FHIT: variants seen among roughly 807,000 people sequenced by gnomAD.
FHIT encodes the protein fragile histidine triad diadenosine triphosphatase, also known as bis(5'-adenosyl)-triphosphatase.
A neutral mutation model predicts 17.9 loss-of-function variants in FHIT; 19 were observed. The observed-to-expected ratio is 1.06, with a 90% CI of 0.74 to 1.56. FHIT has a LOEUF of 1.56. Ranked by LOEUF, FHIT falls within the 40% of genes most tolerant of loss-of-function variation. FHIT has a pLI of 0.00. For missense variants in FHIT, 248 were observed against 189.2 expected, an observed-to-expected ratio of 1.31 and a Z score of -1.82; for synonymous variants, 81 against 69.7, an observed-to-expected ratio of 1.16 and a Z score of -0.81.
At chr3:60,171,585 T>G (rs1701417097) in intron 5 of FHIT, among the ~76,000 whole-genome samples, 1 of 152,244 alleles carries the variant, frequency 6.6e-6, no homozygotes, top group Non-Finnish European at 1.5e-5. Flanking sequence ...ACTTTTCTTT[T>G]TTCACGATGT....
intron 1 of FHIT, among the ~76,000 whole-genome samples, chr3:61,201,648 A>G (rs1056198868): frequency 6.6e-6 from 1 of 152,090 alleles, no homozygotes; most frequent in Admixed American, 6.6e-5. Flanking sequence ...ATGACCACCA[A>G]AGAACAGGTC....
chr3:60,045,676 G>T (rs530707247), intron 5 of FHIT, among the ~76,000 whole-genome samples: 2 of 152,088 alleles, frequency 1.3e-5, no homozygotes, highest in African/African-American at 2.4e-5. Context: ...CTCCCCTCCA[G>T]GGAAGACATG....
chr3:60,939,416 G>T (rs1708320619), intron 3 of FHIT, among the ~76,000 whole-genome samples: 1 of 151,988 alleles, frequency 6.6e-6, no homozygotes, highest in African/African-American at 2.4e-5. Flanking sequence ...TTACCCTTTA[G>T]TCCTTTACAG....
chr3:60,262,843 C>G (rs544157706), intron 5 of FHIT, among the ~76,000 whole-genome samples: 1 of 137,664 alleles, frequency 7.3e-6, no homozygotes, highest in East Asian at 2.1e-4. Context: ...ATATAAAGTA[C>G]AAAGAAAAAA....
intron 2 of FHIT, among the ~76,000 whole-genome samples, chr3:61,055,207 G>T (rs1321164007): frequency 6.6e-6 from 1 of 152,076 alleles, no homozygotes; most frequent in Non-Finnish European, 1.5e-5. Context: ...TAGTAGCAAG[G>T]ACATGATGCT....
intron 5 of FHIT, among the ~76,000 whole-genome samples, chr3:60,134,997 T>G (rs191902561): frequency 1.3e-5 from 2 of 150,882 alleles, no homozygotes; most frequent in East Asian, 3.9e-4. Context: ...GGAAAGGAGA[T>G]GAAAAAGGAT....
intron 8 of FHIT, among the ~76,000 whole-genome samples, chr3:59,861,369 C>T (rs999375645): frequency 6.6e-6 from 1 of 152,130 alleles, no homozygotes; most frequent in African/African-American, 2.4e-5. Flanking sequence ...CAAGGCCAAA[C>T]CCACTGGGGC....
At chr3:60,832,862 C>G (rs1702382227) in intron 3 of FHIT, among the ~76,000 whole-genome samples, 1 of 152,104 alleles carries the variant, frequency 6.6e-6, no homozygotes, top group African/African-American at 2.4e-5. Context: ...AGATTTTACG[C>G]TAAGCATTCA....
Position 60,418,398 on chromosome 3 carries a change from A to G in FHIT, c.103+118462T>C, listed in dbSNP as rs1328370582. 2.9e-4 allele frequency among the ~76,000 whole-genome samples: 37 copies of G among 127,062 alleles called. 1 individual carries two copies. The South Asian group carries it at 6.3e-3, about 22-fold the overall frequency. 83.4% of individuals were successfully genotyped at this position (127,062 alleles called of 152,430 possible). ...TGTGTATATATATATATATATATAT[A>G]TATATATATATATATATATATATAT... On this transcript the variant is annotated intron_variant, in intron 5 of 9. Coordinates refer to ENST00000492590, the MANE Select transcript of FHIT (RefSeq NM_002012.4).
chr3:60,659,202 C>G (rs1553690451), intron 4 of FHIT, among the ~76,000 whole-genome samples: 1 of 151,916 alleles, frequency 6.6e-6, no homozygotes, highest in African/African-American at 2.4e-5. Flanking sequence ...TTTCAAGATT[C>G]TCTCTTTGTC....
At chr3:60,421,165 A>G (rs1702450902) in intron 5 of FHIT, among the ~76,000 whole-genome samples, 1 of 151,510 alleles carries the variant, frequency 6.6e-6, no homozygotes, top group African/African-American at 2.4e-5. Flanking sequence ...ATTTATTTCT[A>G]CTGCCTCTAT....
chr3:61,208,542 T>C (rs2039335136), intron 1 of FHIT, among the ~76,000 whole-genome samples: 1 of 152,146 alleles, frequency 6.6e-6, no homozygotes, highest in African/African-American at 2.4e-5. Flanking sequence ...CTCTTCTCAT[T>C]GAATTGATCC....
chr3:60,658,787 C>A (rs941757348), intron 4 of FHIT, among the ~76,000 whole-genome samples: 1 of 151,936 alleles, frequency 6.6e-6, no homozygotes, highest in Admixed American at 6.6e-5. Flanking sequence ...ATGGAGTTAA[C>A]AAAGCATTAT....
intron 4 of FHIT, among the ~76,000 whole-genome samples, chr3:60,537,213 T>C (rs2036015873): frequency 6.6e-6 from 1 of 152,040 alleles, no homozygotes; most frequent in African/African-American, 2.4e-5. Flanking sequence ...AAGCAGAAGC[T>C]TCCACGTGGA....
At chr3:60,975,938 A>G (rs1336741198) in intron 3 of FHIT, among the ~76,000 whole-genome samples, 3 of 152,012 alleles carry the variant, frequency 2.0e-5, no homozygotes, top group Non-Finnish European at 4.4e-5. Context: ...TCAGATTAAG[A>G]CTGTTCTGAA....
chr3:59,770,738 C>T (rs1000500202), intron 8 of FHIT, among the ~76,000 whole-genome samples: 45 of 152,166 alleles, frequency 3.0e-4, no homozygotes, highest in African/African-American at 1.0e-3. Context: ...CACTACTCCC[C>T]GTTTCACAGA....
intron 3 of FHIT, among the ~76,000 whole-genome samples, chr3:60,824,725 A>T (rs1553740441): frequency 6.6e-6 from 1 of 152,100 alleles, no homozygotes; most frequent in East Asian, 1.9e-4. Context: ...TGTTCTCATG[A>T]GAGTGAATAA....
chr3:60,668,027 A>G (rs1403286275), intron 4 of FHIT, among the ~76,000 whole-genome samples: 1 of 151,906 alleles, frequency 6.6e-6, no homozygotes, highest in African/African-American at 2.4e-5. Flanking sequence ...AGTCTCAGGC[A>G]TGTGAGAACA....
intron 5 of FHIT, among the ~76,000 whole-genome samples, chr3:60,481,221 G>C (rs113326535): frequency 2.0e-5 from 3 of 152,164 alleles, no homozygotes; most frequent in Non-Finnish European, 2.9e-5. Flanking sequence ...AAGGGGATGG[G>C]AAGAACGGAA....
Sources: allele counts gnomAD v4.1 joint callset (sites outside exome capture counted in the v4.1 genomes callset), GRCh38; gene constraint gnomAD v4.1.1; transcripts MANE v1.5; gene names NCBI Gene and HGNC (gene_info 2026-07-23, HGNC 2026-07-21).